The following CPA6 variants were observed in gnomAD, a reference collection of about 807,000 sequenced individuals.
The protein encoded by CPA6 is carboxypeptidase B.
Under a neutral mutation model 63.3 loss-of-function variants are expected in CPA6, and 58 were observed. The ratio of observed to expected loss-of-function variants is 0.92; its 90% CI spans 0.74 to 1.14. The LOEUF (loss-of-function observed/expected upper bound fraction) is 1.14, where lower values mean the gene tolerates loss of function less well. CPA6 is among the 50% of genes most tolerant of loss of function. The pLI is 0.00. For missense variants in CPA6, 565 were observed against 526.6 expected (o/e 1.07, Z -0.71); for synonymous variants, 185 against 179.0 (o/e 1.03, Z -0.27).
intron 1 of CPA6, among the ~76,000 whole-genome samples, chr8:67,678,093 T>C (rs1563389344): frequency 6.6e-6 from 1 of 151,976 alleles, no homozygotes; most frequent in African/African-American, 2.4e-5. Flanking sequence ...CTGAGTGTGG[T>C]GGTGTGTGCC....
At chr8:67,588,354 G>A (rs1034592547) in intron 2 of CPA6, among the ~76,000 whole-genome samples, 3 of 152,204 alleles carry the variant, frequency 2.0e-5, no homozygotes, top group Admixed American at 6.5e-5. Flanking sequence ...ACTACTGCGG[G>A]TAGGCCTAGA....
intron 2 of CPA6, among the ~76,000 whole-genome samples, chr8:67,570,719 C>T (rs192209981): frequency 8.8e-4 from 134 of 152,180 alleles, no homozygotes; most frequent in African/African-American, 3.0e-3. Flanking sequence ...TAAAAAGATT[C>T]AGAACATACC....
chr8:67,442,865 G>A (rs1210188284), intron 8 of CPA6, among the ~76,000 whole-genome samples: 1 of 152,092 alleles, frequency 6.6e-6, no homozygotes, highest in East Asian at 1.9e-4. Flanking sequence ...GATCATAGTA[G>A]AGGCACTAGT....
At chr8:67,736,233 C>A (rs1034823499) in intron 1 of CPA6, among the ~76,000 whole-genome samples, 2 of 152,136 alleles carry the variant, frequency 1.3e-5, no homozygotes, top group Admixed American at 1.3e-4. Flanking sequence ...AAAATATGAG[C>A]ATATCTTTCC....
intron 8 of CPA6, among the ~76,000 whole-genome samples, chr8:67,446,065 C>A (rs1810404841): frequency 6.6e-6 from 1 of 152,170 alleles, no homozygotes; most frequent in East Asian, 1.9e-4. Flanking sequence ...GAGATCGAGA[C>A]CATCCTGGCT....
chr8:67,521,902 C>G (rs1812265646), intron 2 of CPA6, among the ~76,000 whole-genome samples: 1 of 151,996 alleles, frequency 6.6e-6, no homozygotes, highest in Admixed American at 6.6e-5. Flanking sequence ...GGGAAGTTTC[C>G]TTAACTTTCT....
chr8:67,641,362 G>A (rs1420554324), intron 1 of CPA6, among the ~76,000 whole-genome samples: 1 of 147,316 alleles, frequency 6.8e-6, no homozygotes, highest in African/African-American at 2.7e-5. Context: ...AAATGAAGGA[G>A]GGGATCCAAA....
chr8:67,663,883 T>C (rs1816172542), intron 1 of CPA6, among the ~76,000 whole-genome samples: 1 of 152,298 alleles, frequency 6.6e-6, no homozygotes, highest in Middle Eastern at 3.4e-3. Flanking sequence ...TACTAAACAA[T>C]GAATTCCTTA....
chr8:67,653,539 T>G (rs1587673237), intron 1 of CPA6, among the ~76,000 whole-genome samples: 1 of 151,766 alleles, frequency 6.6e-6, no homozygotes, highest in Middle Eastern at 3.2e-3. Context: ...TTTGGCTCTC[T>G]GTTTGTCTGT....
chr8:67,439,881 T>C (rs1349265968), intron 8 of CPA6, among the ~76,000 whole-genome samples: 2 of 152,154 alleles, frequency 1.3e-5, no homozygotes, highest in Non-Finnish European at 2.9e-5. Flanking sequence ...CCACCTTAGA[T>C]TCCCAAAATA....
chr8:67,475,501 G>A (rs191552511), intron 8 of CPA6, among the ~76,000 whole-genome samples: 60 of 152,332 alleles, frequency 3.9e-4, no homozygotes, highest in Middle Eastern at 6.8e-3. Context: ...AGTGAAGAGG[G>A]AGCTGGAATA....
At chr8:67,482,733 G>T (rs550136044) in intron 8 of CPA6, among the ~76,000 whole-genome samples, 3 of 152,166 alleles carry the variant, frequency 2.0e-5, no homozygotes, top group Non-Finnish European at 4.4e-5. Context: ...CTCATGAGGT[G>T]GTTGGCATTA....
Position 67,432,294 on chromosome 8 carries a change from T to C in CPA6, c.1041+1744A>G, listed in dbSNP as rs559958698. 4.3e-4 allele frequency among the ~76,000 whole-genome samples: 66 copies of C among 152,268 alleles called. 1 individual carries two copies. The highest frequency in any genetic ancestry group is 1.5e-3 in the African/African-American group (63 of 41,552). ...AATCAATTAGACCTATGTAATGAAA[T>C]CGTCATGAATACCCCTAAACAGCAG... is the stretch of plus-strand genomic sequence containing the variant. On this transcript the variant is annotated intron_variant, in intron 9 of 10. Coordinates refer to ENST00000297770, the MANE Select transcript of CPA6 (RefSeq NM_020361.5).
At position 67,447,997 on chromosome 8, in the gene CPA6, C is replaced by T. The variant is rs557311337; in HGVS notation, c.839-13757G>A. 3.5e-4 allele frequency among the ~76,000 whole-genome samples: 53 copies of T among 152,296 alleles called. No individual in the cohort carries two copies. The South Asian group carries it at 8.3e-3, about 24-fold the overall frequency. ...ACAGGGTTTCACCCTGTTGGCCAGGCTGGTCTCGAACTCCCAAGCTCAGGT... is the reference window on the plus strand; with the variant it reads ...ACAGGGTTTCACCCTGTTGGCCAGGTTGGTCTCGAACTCCCAAGCTCAGGT... On this transcript the variant is annotated intron_variant, in intron 8 of 10. Transcript: ENST00000297770.
At chr8:67,586,339 A>C (rs1367927784) in intron 2 of CPA6, among the ~76,000 whole-genome samples, 1 of 152,154 alleles carries the variant, frequency 6.6e-6, no homozygotes, top group African/African-American at 2.4e-5. Flanking sequence ...GGTGAAGTCC[A>C]TATAGAGGTA....
intron 1 of CPA6, among the ~76,000 whole-genome samples, chr8:67,710,402 C>A: frequency 7.2e-6 from 1 of 138,054 alleles, no homozygotes; most frequent in East Asian, 2.2e-4. Context: ...TTCCCGCCCC[C>A]ACCCCCCCCC....
At chr8:67,672,918 A>T (rs6993421) in intron 1 of CPA6, among the ~76,000 whole-genome samples, 73,323 of 151,284 alleles carry the variant, frequency 0.48, 20,608 homozygotes, top group African/African-American at 0.79. Flanking sequence ...CTTTTTTTTT[A>T]AATCAGTTTT....
At chr8:67,646,477 G>T (rs1214767964) in intron 1 of CPA6, among the ~76,000 whole-genome samples, 1 of 152,186 alleles carries the variant, frequency 6.6e-6, no homozygotes, top group Admixed American at 6.5e-5. Flanking sequence ...GAACGACTTT[G>T]TTGGTAACAC....
intron 8 of CPA6, among the ~76,000 whole-genome samples, chr8:67,466,187 G>A (rs1261289262): frequency 6.6e-6 from 1 of 151,530 alleles, no homozygotes; most frequent in Non-Finnish European, 1.5e-5. Flanking sequence ...TCAATCTTGG[G>A]AGAGTGTGTA....
Sources: gnomAD v4.1 joint callset for allele counts (sites outside exome capture counted in the v4.1 genomes callset) on GRCh38, gnomAD v4.1.1 for gene constraint, MANE v1.5 for transcripts, NCBI Gene and HGNC (gene_info 2026-07-23, HGNC 2026-07-21) for gene names.